Variants in TLE1 observed in about 807,000 individuals in gnomAD.
TLE1 encodes transducin-like enhancer protein 1.
A neutral mutation model predicts 89.8 loss-of-function variants in TLE1; 21 were observed. The observed-to-expected ratio is 0.23, with a 90% CI of 0.17 to 0.34. The LOEUF (loss-of-function observed/expected upper bound fraction) is 0.34, where lower values mean the gene tolerates loss of function less well. Among genes scored for constraint, TLE1 ranks in the 10% least tolerant of loss-of-function variants. TLE1 has a pLI of 1.00. For synonymous variants in TLE1, 447 were observed against 407.6 expected, an observed-to-expected ratio of 1.10 and a Z score of -1.16; for missense variants, 795 against 1,031.2, an observed-to-expected ratio of 0.77 and a Z score of 3.14.
intron 14 of TLE1, among the ~76,000 whole-genome samples, chr9:81,600,318 T>C (rs905106973): frequency 2.0e-5 from 3 of 151,916 alleles, no homozygotes; most frequent in Non-Finnish European, 4.4e-5. Flanking sequence ...TCTGACAAGG[T>C]GAAGAGGGAG....
intron 4 of TLE1, among the ~76,000 whole-genome samples, chr9:81,660,978 C>T (rs932943513): frequency 2.5e-5 from 3 of 121,758 alleles, no homozygotes; most frequent in African/African-American, 8.9e-5. Context: ...CACACACACA[C>T]ATTTAGCCTG....
chr9:81,589,683 G>A (rs140342299), intron 16 of TLE1, among the ~76,000 whole-genome samples: 5 of 152,270 alleles, frequency 3.3e-5, no homozygotes, highest in East Asian at 3.9e-4. Context: ...CAGGACAGAC[G>A]TTATGAGAAC....
intron 4 of TLE1, among the ~76,000 whole-genome samples, chr9:81,657,978 T>G (rs1364229439): frequency 6.6e-6 from 1 of 150,852 alleles, no homozygotes; most frequent in Non-Finnish European, 1.5e-5. Context: ...GGCACAGTCT[T>G]GGCTCACTGC....
At chr9:81,634,333 A>G in intron 6 of TLE1, 32 bp from the exon 7 acceptor site, 1 of 1,444,322 alleles carries the variant, frequency 6.9e-7, no homozygotes, top group Non-Finnish European at 9.2e-7. Context: ...GAGAAAAAGG[A>G]GGAGGAGGAG....
Position 81,626,712 on chromosome 9 carries a change from A to C in TLE1, c.595-6155T>G, listed in dbSNP as rs186189195. Reference sequence around the variant, plus strand: ...CCAGGTGGGTGACTCAGTTAGGAGGACTCATGGAAAGATAGCTGTGCAGGT... The same window carrying C: ...CCAGGTGGGTGACTCAGTTAGGAGGCCTCATGGAAAGATAGCTGTGCAGGT... On this transcript the variant is annotated intron_variant, in intron 8 of 19. Transcript: ENST00000376499. Among the ~76,000 whole-genome samples the C allele has an allele frequency of 2.6e-5, 4 of 152,134 alleles. No individual in the cohort carries two copies. In the East Asian group the frequency reaches 7.8e-4, roughly 30 times the overall value.
chr9:81,587,046 A>T (rs1401619776), intron 17 of TLE1, among the ~76,000 whole-genome samples: 6 of 152,254 alleles, frequency 3.9e-5, no homozygotes, highest in Non-Finnish European at 8.8e-5. Flanking sequence ...GTTTTTTCCA[A>T]AACAAGTCTA....
chr9:81,622,011 G>A (rs1284638825), intron 8 of TLE1, among the ~76,000 whole-genome samples: 1 of 152,132 alleles, frequency 6.6e-6, no homozygotes, highest in African/African-American at 2.4e-5. Context: ...GATGAAAGGT[G>A]AGCCGGCTGG....
At chr9:81,624,608 T>C (rs554555027) in intron 8 of TLE1, among the ~76,000 whole-genome samples, 1 of 152,322 alleles carries the variant, frequency 6.6e-6, no homozygotes, top group East Asian at 1.9e-4. Context: ...TCCTGACTGA[T>C]GTACTCTAAT....
At chr9:81,654,077 A>G (rs1829871922) in intron 4 of TLE1, 41 bp from the exon 5 acceptor site, 1 of 1,600,880 alleles carries the variant, frequency 6.2e-7, no homozygotes, top group Admixed American at 1.7e-5. Flanking sequence ...AATACTTCAC[A>G]ATCAGTTCAG....
At chr9:81,613,100 C>T (rs1271065429) in intron 12 of TLE1, among the ~76,000 whole-genome samples, 4 of 152,136 alleles carry the variant, frequency 2.6e-5, no homozygotes, top group Non-Finnish European at 5.9e-5. Context: ...GCTGAGATCA[C>T]GCCATTGCAT....
chr9:81,585,797 G>A, intron 17 of TLE1, 142 bp from the exon 18 acceptor site: 2 of 999,154 alleles, frequency 2.0e-6, no homozygotes, highest in Admixed American at 5.3e-5. Flanking sequence ...CACAGGGCAA[G>A]TGATCTAACG....
At chr9:81,612,037 T>C (rs542049554) in intron 12 of TLE1, 78 bp from the exon 13 acceptor site, 2 of 1,158,560 alleles carry the variant, frequency 1.7e-6, no homozygotes, top group South Asian at 5.5e-5. Context: ...GCCTCATCAT[T>C]TGTTAGTGTC....
intron 9 of TLE1, 75 bp from the exon 10 acceptor site, chr9:81,616,774 T>C (rs527414110): frequency 1.1e-5 from 17 of 1,553,810 alleles, no homozygotes; most frequent in East Asian, 6.7e-5. Flanking sequence ...TTTCTTTCTA[T>C]AGTTCCTGGT....
chr9:81,642,905 A>T (rs1182945164), intron 6 of TLE1, among the ~76,000 whole-genome samples: 1 of 152,350 alleles, frequency 6.6e-6, no homozygotes, highest in African/African-American at 2.4e-5. Flanking sequence ...GCCTTGAAAA[A>T]GAAGAAAATC....
chr9:81,686,424 C>T (rs1201854641), intron 2 of TLE1, among the ~76,000 whole-genome samples: 1 of 152,188 alleles, frequency 6.6e-6, no homozygotes, highest in East Asian at 1.9e-4. Flanking sequence ...GAAGTTCTCC[C>T]TGCTGGGTAA....
chr9:81,672,343 T>C (rs988462828), intron 4 of TLE1, among the ~76,000 whole-genome samples: 32 of 151,972 alleles, frequency 2.1e-4, no homozygotes, highest in African/African-American at 7.5e-4. Flanking sequence ...TTATTATTAT[T>C]ATTATTTGAG....
chr9:81,680,042 T>C (rs549409600), intron 4 of TLE1, among the ~76,000 whole-genome samples: 1 of 152,332 alleles, frequency 6.6e-6, no homozygotes, highest in South Asian at 2.1e-4. Flanking sequence ...GAGAACATCT[T>C]AAGTCCTCTG....
chr9:81,687,853 G>A (rs528657038), intron 1 of TLE1, among the ~76,000 whole-genome samples: 2 of 151,992 alleles, frequency 1.3e-5, no homozygotes, highest in African/African-American at 4.8e-5. Flanking sequence ...ACCTCCAGAC[G>A]CACCGGAACC....
At chr9:81,644,976 GGGTGATA>G (rs1251497606) in intron 6 of TLE1, among the ~76,000 whole-genome samples, 1 of 138,148 alleles carries the variant, frequency 7.2e-6, no homozygotes, top group Non-Finnish European at 1.5e-5. Flanking sequence ...ACTCCAGCCT[GGGTGATA>G]GAGTGAGACA....
Sources: allele counts gnomAD v4.1 joint callset (sites outside exome capture counted in the v4.1 genomes callset), GRCh38; gene constraint gnomAD v4.1.1; transcripts MANE v1.5; gene names NCBI Gene and HGNC (gene_info 2026-07-23, HGNC 2026-07-21).